ANK2: variants seen among roughly 807,000 people sequenced by gnomAD.
ANK2 encodes the protein ankyrin-2.
In ANK2, 83 loss-of-function variants were observed where a neutral mutation model predicts 360.5. The ratio of observed to expected loss-of-function variants is 0.23; its 90% confidence interval spans 0.19 to 0.28. ANK2 has a LOEUF of 0.28. Among genes scored for constraint, ANK2 ranks in the 10% least tolerant of loss-of-function variants. The pLI is 1.00. For missense variants in ANK2, 4,201 were observed against 4,795.7 expected, an observed-to-expected ratio of 0.88 and a Z score of 3.66; for synonymous variants, 1,740 against 1,759.5, an observed-to-expected ratio of 0.99 and a Z score of 0.28.
In ANK2 at chr4:113,357,583, G is replaced by C. The variant is rs772344557; in HGVS notation, c.8965G>C (p.Glu2989Gln). The change falls in exon 38 of 46, where the codon GAG becomes CAG. Residue 2989 changes from glutamate to glutamine, a missense_variant. This residue lies in a region of ANK2 where 2,642 missense variants were observed against 2,714.5 expected (regional missense o/e 0.97). Coordinates refer to ENST00000357077, the MANE Select transcript of ANK2 (RefSeq NM_001148.6). ...TGTTTTAAGCAAAGAATCTAATTTT[G>C]AGGGCCAGGACATAAAAATGGAATC... ...GTVLSKESNF[E>Q]GQDIKMESQQ... 5.1e-5 allele frequency: 83 copies of C among 1,614,016 alleles called. 3 individuals are homozygous for C. The South Asian group carries it at 8.7e-4, about 17-fold the overall frequency.
intron 1 of ANK2, among the ~76,000 whole-genome samples, chr4:112,855,060 C>T (rs575838543): frequency 2.2e-4 from 34 of 152,232 alleles, no homozygotes; most frequent in Middle Eastern, 3.4e-3. Context: ...TTCTTTCTCT[C>T]GATGTAGACC....
At chr4:112,758,475 A>G in the ANK2 span, among the ~76,000 whole-genome samples, 3 of 151,628 alleles carry the variant, frequency 2.0e-5, no homozygotes, top group East Asian at 2.0e-4. Context: ...CAGCGGCTCA[A>G]TTTCGGCTCA....
At chr4:113,309,365 T>G (rs1461684812) in intron 23 of ANK2, among the ~76,000 whole-genome samples, 1 of 152,178 alleles carries the variant, frequency 6.6e-6, no homozygotes, top group Non-Finnish European at 1.5e-5. Context: ...ATGCTAAAAA[T>G]TCACTTTAAG....
At chr4:113,361,866 T>A (rs183718054) in intron 39 of ANK2, among the ~76,000 whole-genome samples, 39 of 152,096 alleles carry the variant, frequency 2.6e-4, no homozygotes, top group Non-Finnish European at 4.1e-4. Context: ...CATACCTACA[T>A]AGTAAATGCA....
intron 2 of ANK2, among the ~76,000 whole-genome samples, chr4:112,961,540 A>C (rs1271144976): frequency 6.6e-6 from 1 of 152,168 alleles, no homozygotes; most frequent in Non-Finnish European, 1.5e-5. Context: ...TTAGATTAAA[A>C]TATACTACAG....
intron 2 of ANK2, chr4:112,980,506 T>C (rs2042831360): frequency 6.6e-6 from 1 of 152,266 alleles, no homozygotes; most frequent in South Asian, 2.1e-4. Flanking sequence ...GGATGGGCTG[T>C]CTCTGCCATC....
At chr4:112,886,988 A>T (rs554219658) in intron 1 of ANK2, among the ~76,000 whole-genome samples, 2 of 152,366 alleles carry the variant, frequency 1.3e-5, no homozygotes, top group East Asian at 3.9e-4. Context: ...GCTAATATTT[A>T]ACACATTCGT....
At chr4:113,227,362 G>A (rs891448159) in intron 4 of ANK2, among the ~76,000 whole-genome samples, 3 of 152,062 alleles carry the variant, frequency 2.0e-5, no homozygotes, top group Admixed American at 6.6e-5. Flanking sequence ...TTCCATTCTT[G>A]TCTCCTAGCA....
At position 113,358,923 on chromosome 4, in the gene ANK2, A is replaced by G. The variant is rs1172372064; in HGVS notation, c.10305A>G (p.Pro3435=). The part of the protein sequence containing the change: ...ELESEEGATR[P]KILTSRLPVK... The stretch of plus-strand genomic sequence containing the variant: ...AATCAGAAGAAGGGGCCACAAGACC[A>G]AAGATACTTACATCCCGATTGCCAG... Residue 3435 remains proline, a synonymous_variant, in exon 38 of 46, where the codon CCA becomes CCG. Coordinates refer to ENST00000357077, the MANE Select transcript of ANK2 (RefSeq NM_001148.6). 3.7e-6 allele frequency: 6 copies of G among 1,613,748 alleles called. No homozygotes were observed. The highest frequency in any genetic ancestry group is 8.5e-7 in the Non-Finnish European group (1 of 1,179,876).
chr4:113,179,465 T>C (rs1386677380), intron 2 of ANK2, among the ~76,000 whole-genome samples: 1 of 152,220 alleles, frequency 6.6e-6, no homozygotes, highest in Non-Finnish European at 1.5e-5. Context: ...CCAAATACTA[T>C]TTTGCTTTTA....
intron 2 of ANK2, among the ~76,000 whole-genome samples, chr4:112,940,055 G>T (rs2094090216): frequency 1.3e-5 from 2 of 152,070 alleles, no homozygotes; most frequent in Admixed American, 1.3e-4. Context: ...ATTTGTATTT[G>T]TATATAAATT....
At chr4:113,166,100 T>C (rs1055628845) in intron 1 of ANK2, among the ~76,000 whole-genome samples, 1 of 152,168 alleles carries the variant, frequency 6.6e-6, no homozygotes, top group South Asian at 2.1e-4. Flanking sequence ...AATCAAAACC[T>C]ATTGATTTTG....
intron 2 of ANK2, among the ~76,000 whole-genome samples, chr4:112,998,376 C>T (rs763170766): frequency 6.6e-6 from 1 of 152,076 alleles, no homozygotes. Flanking sequence ...GTACCATTTG[C>T]CAGAAGTGTC....
At position 113,354,969 on chromosome 4, in the gene ANK2, T is replaced by G. The variant is rs755937456; in HGVS notation, c.6351T>G (p.Asp2117Glu). 20 of 1,613,908 alleles carry G rather than the reference T, an allele frequency of 1.2e-5. No homozygotes were observed. The highest frequency in any genetic ancestry group is 1.7e-5 in the Non-Finnish European group (20 of 1,179,936). The part of the protein sequence containing the change: ...ESEVPKEKMA[D>E]EQGDMDLQIS... ...AAGTGCCCAAAGAAAAGATGGCTGA[T>G]GAGCAGGGAGACATGGATCTACAGA... Residue 2117 changes from aspartate to glutamate, a missense_variant, in exon 38 of 46, where the codon GAT becomes GAG. This residue lies in a region of ANK2 where 2,642 missense variants were observed against 2,714.5 expected (regional missense o/e 0.97). Coordinates refer to ENST00000357077, the MANE Select transcript of ANK2 (RefSeq NM_001148.6).
At chr4:113,161,905 G>A (rs2097550147) in intron 1 of ANK2, among the ~76,000 whole-genome samples, 1 of 152,118 alleles carries the variant, frequency 6.6e-6, no homozygotes, top group South Asian at 2.1e-4. Context: ...GAAATCCAGT[G>A]TCTACAGAAA....
upstream of ANK2, among the ~76,000 whole-genome samples, chr4:112,814,977 C>G (rs779578037): frequency 6.6e-6 from 1 of 150,908 alleles, no homozygotes; most frequent in Non-Finnish European, 1.5e-5. Flanking sequence ...CTAGAGAGAT[C>G]AGCAAAATTC....
At chr4:112,732,844 G>A in the ANK2 span, among the ~76,000 whole-genome samples, 1 of 152,144 alleles carries the variant, frequency 6.6e-6, no homozygotes, top group Non-Finnish European at 1.5e-5. Context: ...CACTTTGGGA[G>A]GCTGAGGCGG....
the ANK2 span, among the ~76,000 whole-genome samples, chr4:112,723,571 C>T: frequency 1.1e-4 from 16 of 152,158 alleles, no homozygotes; most frequent in Admixed American, 5.2e-4. Context: ...ACCATATTGG[C>T]CAGGCTGGTC....
At chr4:112,764,124 T>C in the ANK2 span, among the ~76,000 whole-genome samples, 2 of 150,924 alleles carry the variant, frequency 1.3e-5, no homozygotes. Flanking sequence ...TTTGTATTTT[T>C]AGTAGAGACG....
Sources: gnomAD v4.1 joint callset for allele counts (sites outside exome capture counted in the v4.1 genomes callset) on GRCh38, gnomAD v4.1.1 for gene constraint, gnomAD v4.1.1 regional missense constraint, MANE v1.5 for transcripts, NCBI Gene and HGNC (gene_info 2026-07-23, HGNC 2026-07-21) for gene names.